The following LAMA1 variants were observed in gnomAD, a reference collection of about 807,000 sequenced individuals.
LAMA1 encodes laminin subunit alpha-1.
In LAMA1, 219 loss-of-function variants were observed where a neutral mutation model predicts 348.7. That is an observed-to-expected ratio of 0.63 (90% CI 0.56 to 0.70). The LOEUF is 0.70. Among genes scored for constraint, LAMA1 ranks in the 30% least tolerant of loss-of-function variants. LAMA1 has a pLI of 0.00. For missense variants in LAMA1, 3,744 were observed against 3,888.0 expected (o/e 0.96, Z 0.99); for synonymous variants, 1,487 against 1,491.0 (o/e 1.00, Z 0.06).
At chr18:7,065,250 A>AAAAAAAAAAAAAAAC (rs1467543523) in intron 3 of LAMA1, among the ~76,000 whole-genome samples, 2 of 149,842 alleles carry the variant, frequency 1.3e-5, no homozygotes, top group African/African-American at 5.0e-5. Context: ...AAAAAAAAAA[A>AAAAAAAAAAAAAAAC]AAACAACGAC....
chr18:7,070,554 G>A (rs1018491474), intron 3 of LAMA1, among the ~76,000 whole-genome samples: 13 of 151,980 alleles, frequency 8.6e-5, no homozygotes, highest in African/African-American at 3.1e-4. Context: ...AAATTTGGGG[G>A]AAAAAACAAC....
intron 49 of LAMA1, 61 bp downstream of exon 49, chr18:6,966,086 A>G: frequency 1.3e-6 from 2 of 1,580,620 alleles, no homozygotes; most frequent in African/African-American, 1.3e-5. Context: ...AACATAAACA[A>G]CCACATAGCA....
intron 45 of LAMA1, among the ~76,000 whole-genome samples, chr18:6,975,577 T>A (rs569372745): frequency 3.0e-4 from 46 of 152,338 alleles, no homozygotes; most frequent in African/African-American, 9.1e-4. Context: ...AGACCTTTCA[T>A]AGGCACTTGC....
intron 16 of LAMA1, among the ~76,000 whole-genome samples, chr18:7,026,761 G>C (rs2057945322): frequency 6.6e-6 from 1 of 152,164 alleles, no homozygotes; most frequent in Admixed American, 6.5e-5. Context: ...ACTTTGGGAG[G>C]CCAAGGCAGG....
intron 1 of LAMA1, among the ~76,000 whole-genome samples, chr18:7,109,938 C>A (rs1021667119): frequency 2.6e-5 from 4 of 152,198 alleles, no homozygotes; most frequent in Admixed American, 1.3e-4. Flanking sequence ...AATCCCAGCA[C>A]TTTGGGAGGC....
At position 7,096,510 on chromosome 18, in the gene LAMA1, C is replaced by T. The variant is rs553831133; in HGVS notation, c.62-16053G>A. Among the ~76,000 whole-genome samples, 7 of 151,970 alleles carry T rather than the reference C, an allele frequency of 4.6e-5. No individual in the cohort carries two copies. In the East Asian group the frequency reaches 1.2e-3, roughly 25 times the overall value. ...TGGGTAACAATTTTTTTTTAATTAG[C>T]TGGGCATGGTAGTGCGTGTCTGTAG... On this transcript the variant is annotated intron_variant, in intron 1 of 62. Coordinates refer to ENST00000389658, the MANE Select transcript of LAMA1 (RefSeq NM_005559.4).
intron 1 of LAMA1, among the ~76,000 whole-genome samples, chr18:7,096,530 C>G (rs986577705): frequency 6.6e-6 from 1 of 151,936 alleles, no homozygotes; most frequent in Non-Finnish European, 1.5e-5. Flanking sequence ...TAGTGCGTGT[C>G]TGTAGTCCCA....
chr18:6,999,238 C>A (rs1034927397), intron 32 of LAMA1, among the ~76,000 whole-genome samples: 9 of 152,148 alleles, frequency 5.9e-5, no homozygotes, highest in South Asian at 2.1e-4. Context: ...AAACTGCTAT[C>A]TTAGAACCTC....
In LAMA1 at chr18:7,027,186, G is replaced by A. The variant is rs114925100; in HGVS notation, c.2275-1080C>T. Among the ~76,000 whole-genome samples, 529 of 152,240 alleles carry A rather than the reference G, an allele frequency of 3.5e-3. 4 individuals carry two copies. The highest frequency in any genetic ancestry group is 0.012 in the African/African-American group (504 of 41,530). Reference sequence around the variant, plus strand: ...AACTGACAAAACTGAGCAACAGGTGGTAGGTTAGAAAAAGTAGAGTACCAG... The same window carrying A: ...AACTGACAAAACTGAGCAACAGGTGATAGGTTAGAAAAAGTAGAGTACCAG... On this transcript the variant is annotated intron_variant, in intron 16 of 62. Coordinates refer to ENST00000389658, the MANE Select transcript of LAMA1 (RefSeq NM_005559.4).
At chr18:7,042,704 G>GAA (rs1357429517) in intron 8 of LAMA1, 1 of 215,084 alleles carries the variant, frequency 4.6e-6, no homozygotes, top group Non-Finnish European at 9.4e-6. Flanking sequence ...CCGACATGGT[G>GAA]AAACCCTGTC....
At chr18:7,069,801 C>T (rs2058138507) in intron 3 of LAMA1, among the ~76,000 whole-genome samples, 1 of 151,974 alleles carries the variant, frequency 6.6e-6, no homozygotes, top group Non-Finnish European at 1.5e-5. Flanking sequence ...TGCCCCAAAC[C>T]CCCTCCTCCA....
chr18:7,033,139 A>C, intron 14 of LAMA1, 44 bp from the exon 15 acceptor site: 1 of 1,296,414 alleles, frequency 7.7e-7, no homozygotes, highest in Non-Finnish European at 1.1e-6. Context: ...GCTCGCAAAT[A>C]CATCTCACAT....
chr18:7,089,529 A>G (rs981977979), intron 1 of LAMA1, among the ~76,000 whole-genome samples: 4 of 152,154 alleles, frequency 2.6e-5, no homozygotes, highest in African/African-American at 9.7e-5. Context: ...TCTCACCCAC[A>G]TGGATTGTGA....
intron 24 of LAMA1, 111 bp downstream of exon 24, chr18:7,011,884 G>T: frequency 7.6e-7 from 1 of 1,319,732 alleles, no homozygotes; most frequent in Non-Finnish European, 1.0e-6. Context: ...TAGAATTTTG[G>T]ATGCCATAAG....
intron 52 of LAMA1, 70 bp from the exon 53 acceptor site, chr18:6,961,829 C>T (rs766256465): frequency 6.3e-7 from 1 of 1,578,516 alleles, no homozygotes; most frequent in Non-Finnish European, 8.7e-7. Flanking sequence ...GGGGAGGACA[C>T]TGCTGATTTC....
At chr18:7,107,841 C>G (rs148871292) in intron 1 of LAMA1, among the ~76,000 whole-genome samples, 1 of 150,880 alleles carries the variant, frequency 6.6e-6, no homozygotes, top group Non-Finnish European at 1.5e-5. Context: ...GGTGAAACCC[C>G]GTCTCTACTA....
intron 3 of LAMA1, among the ~76,000 whole-genome samples, chr18:7,065,780 C>T (rs139015797): frequency 2.6e-3 from 393 of 152,292 alleles, no homozygotes; most frequent in Admixed American, 5.4e-3. Context: ...AGTTTTAAAG[C>T]TTTACCAAAT....
At position 6,964,129 on chromosome 18, in the gene LAMA1, T is replaced by G. The variant is rs558471414; in HGVS notation, c.7337+533A>C. On this transcript the variant is annotated intron_variant, in intron 51 of 62. Coordinates refer to ENST00000389658, the MANE Select transcript of LAMA1 (RefSeq NM_005559.4). The stretch of plus-strand genomic sequence containing the variant: ...TCCAAATATTGCACGGTAACAGGAT[T>G]TAGACGTTCTAAAGGCAATACATAT... The G allele has an allele frequency of 2.7e-4, 45 of 165,056 alleles. 2 individuals are homozygous for G. In the South Asian group the frequency reaches 6.8e-3, roughly 25 times the overall value. The allele number at this position is 165,056 out of a possible 1,614,324, so 10.2% of individuals were successfully genotyped here. A position where few individuals can be genotyped will look rare whatever the true frequency, so the allele number is the denominator to read the frequency against.
chr18:7,037,699 A>T lies in LAMA1; in HGVS notation c.1616T>A (p.Ile539Asn). 6.2e-7 allele frequency: 1 copy of T among 1,614,168 alleles called. No individual in the cohort carries two copies. Among genetic ancestry groups the T allele is most frequent in the Non-Finnish European group, 8.5e-7 (1 of 1,180,028 alleles). The change falls in exon 12 of 63, where the codon ATC becomes AAC. Residue 539 changes from isoleucine (I) to asparagine (N), a missense_variant. Around this residue, in one of 3 missense-constraint regions of LAMA1, gnomAD observed 1,529 missense variants for 1,689.4 expected, o/e 0.91. Coordinates refer to ENST00000389658, the MANE Select transcript of LAMA1 (RefSeq NM_005559.4). Reference sequence around the variant, plus strand: ...GCCTAGTGCATCTTGCTGAGACGGGATCTTCCTGGGACTGATCAAGTCGGT... The same window carrying T: ...GCCTAGTGCATCTTGCTGAGACGGGTTCTTCCTGGGACTGATCAAGTCGGT... ...LVTDLISPRK[I>N]PSQQDALGGR...
Sources: gnomAD v4.1 joint callset for allele counts (sites outside exome capture counted in the v4.1 genomes callset) on GRCh38, gnomAD v4.1.1 for gene constraint, gnomAD v4.1.1 regional missense constraint, MANE v1.5 for transcripts, NCBI Gene and HGNC (gene_info 2026-07-23, HGNC 2026-07-21) for gene names.